The following WDFY4 variants were observed in gnomAD, a reference collection of about 807,000 sequenced individuals.
WDFY4 encodes WDFY family member 4.
Under a neutral mutation model 351.9 loss-of-function variants are expected in WDFY4, and 169 were observed. The ratio of observed to expected loss-of-function variants is 0.48; its 90% CI spans 0.42 to 0.55. The LOEUF is 0.55. WDFY4 is among the 20% of genes least tolerant of loss of function. The pLI is 0.00. For missense variants in WDFY4, 3,803 were observed against 3,935.6 expected (o/e 0.97, Z 0.90); for synonymous variants, 1,622 against 1,574.6 (o/e 1.03, Z -0.71).
At position 48,698,016 on chromosome 10, in the gene WDFY4, G is replaced by A. The variant is rs189765873; in HGVS notation, c.-17-11700G>A. ...CCCCATGCACATTTGTTCTCCTACG[G>A]TCCTGTGCCCCAGCTCTTGAGATGG... is the stretch of plus-strand genomic sequence containing the variant. On this transcript the variant is annotated intron_variant, in intron 1 of 61. Coordinates refer to ENST00000325239, the MANE Select transcript of WDFY4 (RefSeq NM_001394531.1). Among the ~76,000 whole-genome samples the A allele has an allele frequency of 6.8e-3, 1,033 of 152,224 alleles. 9 individuals carry two copies. The highest frequency in any genetic ancestry group is 0.033 in the South Asian group (159 of 4,816).
At chr10:48,777,527 C>A in intron 17 of WDFY4, 32 bp downstream of exon 17, 1 of 1,533,196 alleles carries the variant, frequency 6.5e-7, no homozygotes, top group African/African-American at 1.4e-5. Flanking sequence ...TTTAGCTCTC[C>A]ATCCCTTCCA....
At chr10:48,927,241 T>C (rs530797377) in intron 47 of WDFY4, among the ~76,000 whole-genome samples, 1 of 152,186 alleles carries the variant, frequency 6.6e-6, no homozygotes, top group East Asian at 1.9e-4. Flanking sequence ...CCCCCCTGCT[T>C]CCACACACAT....
chr10:48,900,396 G>A (rs1279181300), intron 46 of WDFY4, 90 bp downstream of exon 46: 4 of 1,286,708 alleles, frequency 3.1e-6, no homozygotes, highest in Non-Finnish European at 3.2e-6. Context: ...CTCAGGAAAA[G>A]TGTTCTCAAC....
Position 48,777,295 on chromosome 10 carries a change from G to T in WDFY4, c.3099-124G>T, listed in dbSNP as rs2066065889. On this transcript the variant is annotated intron_variant, in intron 16 of 61. Coordinates refer to ENST00000325239, the MANE Select transcript of WDFY4 (RefSeq NM_001394531.1). ...TGCAGTCCATCCTTGGGACCTTATG[G>T]TCTAAGGAGGGTTACAGTGCCGGCA... The T allele has an allele frequency of 3.2e-6, 3 of 946,748 alleles. No homozygotes were observed. The South Asian group carries it at 4.6e-5, about 14-fold the overall frequency. The allele number at this position is 946,748 out of a possible 1,614,324, so 58.6% of individuals were successfully genotyped here.
chr10:48,707,564 A>C (rs1342506173), intron 1 of WDFY4, among the ~76,000 whole-genome samples: 1 of 152,248 alleles, frequency 6.6e-6, no homozygotes, highest in Non-Finnish European at 1.5e-5. Context: ...TGTGATGCCC[A>C]CTTTGGAACA....
At chr10:48,706,964 A>T (rs996118669) in intron 1 of WDFY4, among the ~76,000 whole-genome samples, 3 of 152,206 alleles carry the variant, frequency 2.0e-5, no homozygotes, top group Non-Finnish European at 4.4e-5. Context: ...TGCTGTTTTG[A>T]CTACAAAGAA....
chr10:48,920,551 G>C lies in WDFY4; in HGVS notation c.7586+18688G>C, dbSNP rs116529734. ...TTGAAAAAAAAGAAAAAAAAAGCTAGAGCTAGTATCATACTTCGTGAAGGA... is the reference window on the plus strand; with the variant it reads ...TTGAAAAAAAAGAAAAAAAAAGCTACAGCTAGTATCATACTTCGTGAAGGA... On this transcript the variant is annotated intron_variant, in intron 47 of 61. Transcript: ENST00000325239. Among the ~76,000 whole-genome samples, 918 of 152,148 alleles carry C rather than the reference G, an allele frequency of 6.0e-3. 9 individuals are homozygous for C. The highest frequency in any genetic ancestry group is 0.021 in the African/African-American group (869 of 41,500).
At chr10:48,722,749 G>A (rs1446796063) in intron 4 of WDFY4, among the ~76,000 whole-genome samples, 2 of 152,364 alleles carry the variant, frequency 1.3e-5, no homozygotes, top group Middle Eastern at 3.4e-3. Flanking sequence ...GGGTGCAGGT[G>A]CAGTAATCCT....
intron 47 of WDFY4, 90 bp downstream of exon 47, chr10:48,901,953 C>T: frequency 8.4e-7 from 1 of 1,196,374 alleles, no homozygotes; most frequent in Non-Finnish European, 1.2e-6. Flanking sequence ...AGAAGTCTTG[C>T]AGAGAGCATG....
intron 49 of WDFY4, among the ~76,000 whole-genome samples, chr10:48,945,463 T>A (rs1810333285): frequency 1.3e-5 from 2 of 152,144 alleles, no homozygotes; most frequent in South Asian, 4.1e-4. Flanking sequence ...TCTGCTAACA[T>A]ACAGAACCTG....
chr10:48,719,869 G>T, intron 2 of WDFY4, 142 bp from the exon 3 acceptor site: 1 of 668,478 alleles, frequency 1.5e-6, no homozygotes. Flanking sequence ...TGTGAGGGTG[G>T]GTGACGTGGT....
chr10:48,694,244 C>A (rs1386835566), intron 1 of WDFY4, among the ~76,000 whole-genome samples: 1 of 152,150 alleles, frequency 6.6e-6, no homozygotes, highest in Non-Finnish European at 1.5e-5. Context: ...TGCTCAGAGT[C>A]TGGAGACATT....
At chr10:48,913,675 C>G in intron 47 of WDFY4, 1 of 1,613,440 alleles carries the variant, frequency 6.2e-7, no homozygotes. Context: ...GAGATGCTCA[C>G]GGGGATGTTG....
In WDFY4 at chr10:48,743,277, C is replaced by G. The variant is rs1465154948; in HGVS notation, c.2188C>G (p.Leu730Val). The change falls in exon 12 of 62, where the codon CTG becomes GTG. Residue 730 changes from leucine to valine, a missense_variant. Physicochemically the swap from Leu to Val is conservative, Grantham distance 32. Around this residue, in one of 3 missense-constraint regions of WDFY4, gnomAD observed 3,054 missense variants for 3,148.6 expected, o/e 0.97. Transcript: ENST00000325239. ...CFGALEEEGNLLRSWVDTKAR... is the reference protein window; with the variant it reads ...CFGALEEEGNVLRSWVDTKAR... ...TGGAGCCCTGGAGGAAGAGGGCAAC[C>G]TGCTGCGCTCTTGGGTGGACACAAA... is the stretch of plus-strand genomic sequence containing the variant. 2 of 1,551,692 alleles carry G rather than the reference C, an allele frequency of 1.3e-6. No individual in the cohort carries two copies. Among genetic ancestry groups the G allele is most frequent in the South Asian group, 2.4e-5 (2 of 84,060 alleles).
In WDFY4 at chr10:48,733,916, T is replaced by C; in HGVS notation, c.1583-15T>C. On this transcript the variant is annotated splice_polypyrimidine_tract_variant and intron_variant, in intron 9 of 61. Coordinates refer to ENST00000325239, the MANE Select transcript of WDFY4 (RefSeq NM_001394531.1). ...GTACTTAATTTATTTTGTTATTTCTTCTTCAATATGGCAGGAAACAAAGTG... is the reference window on the plus strand; with the variant it reads ...GTACTTAATTTATTTTGTTATTTCTCCTTCAATATGGCAGGAAACAAAGTG... 5 of 1,551,002 alleles carry C rather than the reference T, an allele frequency of 3.2e-6. No homozygotes were observed. The highest frequency in any genetic ancestry group is 4.4e-6 in the Non-Finnish European group (5 of 1,146,384).
At chr10:48,929,640 C>T (rs76190904) in intron 47 of WDFY4, among the ~76,000 whole-genome samples, 3,118 of 152,268 alleles carry the variant, frequency 0.02, 112 homozygotes, top group African/African-American at 0.069. Context: ...AACGATTGCC[C>T]GGTGTTTGGT....
intron 13 of WDFY4, among the ~76,000 whole-genome samples, chr10:48,771,062 T>G (rs1456055646): frequency 6.6e-6 from 1 of 152,240 alleles, no homozygotes; most frequent in African/African-American, 2.4e-5. Context: ...TTTCTCTGAA[T>G]GCCATCAGTG....
At chr10:48,749,663 C>A (rs538521193) in intron 12 of WDFY4, among the ~76,000 whole-genome samples, 1 of 152,272 alleles carries the variant, frequency 6.6e-6, no homozygotes, top group African/African-American at 2.4e-5. Context: ...GTGGGCCTTG[C>A]ACAAACCCTA....
intron 47 of WDFY4, among the ~76,000 whole-genome samples, chr10:48,925,077 A>T (rs190495896): frequency 3.3e-5 from 5 of 152,340 alleles, no homozygotes; most frequent in African/African-American, 1.2e-4. Context: ...TGGATGAGAA[A>T]TATCTTTTAC....
Sources: gnomAD v4.1 joint callset for allele counts (sites outside exome capture counted in the v4.1 genomes callset) on GRCh38, gnomAD v4.1.1 for gene constraint, gnomAD v4.1.1 regional missense constraint, MANE v1.5 for transcripts, NCBI Gene and HGNC (gene_info 2026-07-23, HGNC 2026-07-21) for gene names.